Variants in DLG1 observed in about 807,000 individuals in gnomAD.
DLG1 encodes discs large MAGUK scaffold protein 1, also known as disks large homolog 1.
A neutral mutation model predicts 123.4 loss-of-function variants in DLG1; 42 were observed. The observed-to-expected ratio is 0.34, with a 90% confidence interval of 0.27 to 0.44. The LOEUF is 0.44. Ranked by LOEUF, DLG1 falls within the 20% of genes least tolerant of loss-of-function variation. The pLI is 1.00. For missense variants in DLG1, 942 were observed against 1,082.6 expected (o/e 0.87, Z 1.82); for synonymous variants, 317 against 356.2 (o/e 0.89, Z 1.24).
At chr3:197,081,968 C>T (rs558030207) in intron 16 of DLG1, among the ~76,000 whole-genome samples, 1 of 152,140 alleles carries the variant, frequency 6.6e-6, no homozygotes, top group Non-Finnish European at 1.5e-5. Context: ...TAGCATATAA[C>T]AGAAAAGCCT....
rs773487577 is a variant in DLG1, at chr3:197,131,584, CTTTTTTTTT to C, written c.1021-922_1021-914del. ...CAAATATAGTTTTATTTCTTCCTTT[CTTTTTTTTT>C]TTTTTTTTTTTTTTTTTTGAGACGG... On this transcript the variant is annotated intron_variant, in intron 10 of 24. Transcript: ENST00000667157. 5.8e-3 allele frequency among the ~76,000 whole-genome samples: 380 copies of C among 65,782 alleles called. 2 individuals are homozygous for C. The highest frequency in any genetic ancestry group is 0.021 in the Middle Eastern group (1 of 48). 43.2% of individuals were successfully genotyped at this position (65,782 alleles called of 152,430 possible).
At chr3:197,167,587 T>C (rs1301853737) in intron 5 of DLG1, among the ~76,000 whole-genome samples, 5 of 152,186 alleles carry the variant, frequency 3.3e-5, no homozygotes, top group African/African-American at 1.2e-4. Context: ...CAAACCCAAA[T>C]TGAGTGATAC....
At chr3:197,197,896 G>GT (rs930689054) in intron 4 of DLG1, among the ~76,000 whole-genome samples, 33 of 152,102 alleles carry the variant, frequency 2.2e-4, no homozygotes, top group South Asian at 1.5e-3. Flanking sequence ...AGAAAGAATA[G>GT]TTTTTTTTAA....
Position 197,208,401 on chromosome 3 carries a change from T to G in DLG1, c.319-13812A>C, listed in dbSNP as rs1729694991. 1.4e-5 allele frequency among the ~76,000 whole-genome samples: 2 copies of G among 146,800 alleles called. 1 individual carries two copies. The highest frequency in any genetic ancestry group is 3.1e-5 in the Non-Finnish European group (2 of 65,352). ...AACCTCTGACCTGATAATTCTACTT[T>G]TAGGAATTTATCCTATAGAAATATT... On this transcript the variant is annotated intron_variant, in intron 4 of 24. Coordinates refer to ENST00000667157, the MANE Select transcript of DLG1 (RefSeq NM_001366207.1).
At chr3:197,263,799 A>C (rs979509628) in intron 4 of DLG1, among the ~76,000 whole-genome samples, 2 of 152,158 alleles carry the variant, frequency 1.3e-5, no homozygotes, top group African/African-American at 2.4e-5. Flanking sequence ...AAGAAAAAGA[A>C]AAAAAAGAAA....
intron 10 of DLG1, among the ~76,000 whole-genome samples, chr3:197,134,472 C>CAAAAAAAAAAAAAAAAAAAAAAAAA (rs11319273): frequency 2.1e-5 from 2 of 96,578 alleles, no homozygotes; most frequent in African/African-American, 3.9e-5. Flanking sequence ...TTCATAATAC[C>CAAAAAAAAAAAAAAAAAAAAAAAAA]AAAAAAAAAA....
chr3:197,080,327 G>A (rs2149050350), intron 17 of DLG1, among the ~76,000 whole-genome samples: 1 of 134,136 alleles, frequency 7.5e-6, no homozygotes, highest in South Asian at 2.3e-4. Context: ...CACCCAGGCT[G>A]GAGAGCAGTG....
chr3:197,101,335 G>C (rs1015041125), intron 14 of DLG1, among the ~76,000 whole-genome samples: 1 of 152,030 alleles, frequency 6.6e-6, no homozygotes, highest in Admixed American at 6.6e-5. Flanking sequence ...AACATAACAT[G>C]GTTCGTATCA....
At chr3:197,080,755 C>A (rs116059525) in intron 17 of DLG1, 2,402 of 214,494 alleles carry the variant, frequency 0.011, 66 homozygotes, top group African/African-American at 0.053. Flanking sequence ...AGCCACCATG[C>A]CCGGCCTAGT....
In DLG1 at chr3:197,298,541, C is replaced by T; in HGVS notation, c.-37G>A. ...CAGATCCAAGGCGCACATACCGAGA[C>T]ACCCCTCAACCTCACTCAGCAGTGC... is the stretch of plus-strand genomic sequence containing the variant. On this transcript the variant is annotated 5_prime_UTR_variant, in exon 1 of 25. Transcript: ENST00000667157. 2.5e-6 allele frequency: 1 copy of T among 398,688 alleles called. No individual in the cohort carries two copies. Among genetic ancestry groups the T allele is most frequent in the Non-Finnish European group, 4.4e-6 (1 of 226,108 alleles). 24.7% of individuals were successfully genotyped at this position (398,688 alleles called of 1,614,324 possible).
At chr3:197,169,225 A>T (rs1802880842) in intron 5 of DLG1, among the ~76,000 whole-genome samples, 1 of 152,222 alleles carries the variant, frequency 6.6e-6, no homozygotes, top group Non-Finnish European at 1.5e-5. Context: ...ATAAATGTAT[A>T]TTGAATGAGC....
intron 4 of DLG1, among the ~76,000 whole-genome samples, chr3:197,225,419 T>C (rs1402088118): frequency 2.0e-5 from 3 of 152,230 alleles, no homozygotes; most frequent in African/African-American, 4.8e-5. Context: ...AAAAGCTTTC[T>C]TTCCTCTATA....
rs563163497 is a variant in DLG1 at position 197,171,789 on chromosome 3, A to G, written c.484-21993T>C. On this transcript the variant is annotated intron_variant, in intron 5 of 24. Transcript: ENST00000667157. Reference sequence around the variant, plus strand: ...TAAAACTTCAATATATGGTTACATAATTGACAAATGGGGATAAAATTACCA... The same window carrying G: ...TAAAACTTCAATATATGGTTACATAGTTGACAAATGGGGATAAAATTACCA... 4.6e-5 allele frequency among the ~76,000 whole-genome samples: 7 copies of G among 152,344 alleles called. No individual in the cohort carries two copies. The South Asian group carries it at 1.4e-3, about 32-fold the overall frequency.
intron 5 of DLG1, among the ~76,000 whole-genome samples, chr3:197,169,601 T>C (rs1221223982): frequency 2.0e-5 from 3 of 152,208 alleles, no homozygotes; most frequent in African/African-American, 4.8e-5. Flanking sequence ...CTCACTAATT[T>C]ATTAAAATGA....
chr3:197,265,373 G>A lies in DLG1; in HGVS notation c.318+17306C>T, dbSNP rs527632446. Reference sequence around the variant, plus strand: ...TCAGACACTGGACCCTGTGAGAAGAGAAACTAATGAGGTGAGTCCTGTAAA... The same window carrying A: ...TCAGACACTGGACCCTGTGAGAAGAAAAACTAATGAGGTGAGTCCTGTAAA... On this transcript the variant is annotated intron_variant, in intron 4 of 24. Transcript: ENST00000667157. Among the ~76,000 whole-genome samples the A allele has an allele frequency of 6.6e-5, 10 of 152,328 alleles. 1 individual carries two copies. Among genetic ancestry groups the A allele is most frequent in the Non-Finnish European group, 1.3e-4 (9 of 68,028 alleles).
At chr3:197,156,901 ATAAG>A in intron 5 of DLG1, among the ~76,000 whole-genome samples, 1 of 152,220 alleles carries the variant, frequency 6.6e-6, no homozygotes, top group East Asian at 1.9e-4. Flanking sequence ...CAGACATATG[ATAAG>A]TAAGGAAATA....
intron 4 of DLG1, among the ~76,000 whole-genome samples, chr3:197,262,130 A>T (rs1241412900): frequency 1.3e-5 from 2 of 152,196 alleles, no homozygotes; most frequent in Non-Finnish European, 2.9e-5. Flanking sequence ...ACTTAAAGTG[A>T]GACCCCTAGA....
Position 197,142,716 on chromosome 3 carries a change from A to G in DLG1, c.588+2T>C. On this transcript the variant is annotated splice_donor_variant, in intron 7 of 24. Transcript: ENST00000667157. LOFTEE classifies it high-confidence loss of function. ...ACAACAGATTAAGATAATAGTTTTT[A>G]CCCTTTCAAGTGTGATTTCTTCATA... 6.2e-7 allele frequency: 1 copy of G among 1,601,662 alleles called. No homozygotes were observed.
rs545509250 is a variant in DLG1 at position 197,138,350 on chromosome 3, C to A, written c.755G>T (p.Arg252Leu). 2 of 1,566,046 alleles carry A rather than the reference C, an allele frequency of 1.3e-6. No homozygotes were observed. The highest frequency in any genetic ancestry group is 3.5e-5 in the Admixed American group (2 of 57,814). ...CILRVNEVDVRDVTHSKAVEA... is the reference protein window; with the variant it reads ...CILRVNEVDVLDVTHSKAVEA... ...AACTGCTTTGCTATGTGTTACATCA[C>A]GAACATCTACTTCATTTACTCGTAA... is the stretch of plus-strand genomic sequence containing the variant. The change falls in exon 9 of 25, where the codon CGT becomes CTT. Residue 252 changes from arginine (R) to leucine (L), a missense_variant. Coordinates refer to ENST00000667157, the MANE Select transcript of DLG1 (RefSeq NM_001366207.1).
Sources: gnomAD v4.1 joint callset for allele counts (sites outside exome capture counted in the v4.1 genomes callset) on GRCh38, gnomAD v4.1.1 for gene constraint, MANE v1.5 for transcripts, NCBI Gene and HGNC (gene_info 2026-07-23, HGNC 2026-07-21) for gene names.